NRG1: variants seen among roughly 807,000 people sequenced by gnomAD.
NRG1 encodes the protein neuregulin 1, also known as pro-neuregulin-1, membrane-bound isoform.
Under a neutral mutation model 63.8 loss-of-function variants are expected in NRG1, and 18 were observed. The observed-to-expected ratio is 0.28, with a 90% CI of 0.19 to 0.42. The LOEUF is 0.42. NRG1 is among the 10% of genes least tolerant of loss of function. NRG1 has a pLI of 1.00. For synonymous variants in NRG1, 302 were observed against 301.3 expected, an observed-to-expected ratio of 1.00 and a Z score of -0.02; for missense variants, 762 against 814.7, an observed-to-expected ratio of 0.94 and a Z score of 0.79.
At chr8:31,710,448 A>G (rs969156078) in intron 1 of NRG1, among the ~76,000 whole-genome samples, 3 of 151,830 alleles carry the variant, frequency 2.0e-5, no homozygotes, top group Admixed American at 1.3e-4. Context: ...ATGCTACTCT[A>G]TTCTCATAGC....
intron 5 of NRG1, among the ~76,000 whole-genome samples, chr8:32,723,692 A>G (rs111500958): frequency 2.7e-5 from 3 of 110,328 alleles, no homozygotes; most frequent in Admixed American, 9.8e-5. Context: ...CCATCTCAAA[A>G]AAAAAAAAAA....
chr8:31,712,255 C>CTTTTTTTTTTTT lies in NRG1; in HGVS notation c.37+72843_37+72854dup, dbSNP rs57363109. ...TGACTTCCTGTTTCTTCTTCATGATCTTTTTTTTTTTTTTTTTTTTTTTTT... is the reference window on the plus strand; with the variant it reads ...TGACTTCCTGTTTCTTCTTCATGATCTTTTTTTTTTTTTTTTTTTTTTTTTTTTTTTTTTTTT... On this transcript the variant is annotated intron_variant, in intron 1 of 10. Transcript: ENST00000519301. Among the ~76,000 whole-genome samples, 165 of 72,344 alleles carry CTTTTTTTTTTTT rather than the reference C, an allele frequency of 2.3e-3. 22 individuals are homozygous for CTTTTTTTTTTTT. Among genetic ancestry groups the CTTTTTTTTTTTT allele is most frequent in the Non-Finnish European group, 2.8e-3 (112 of 39,660 alleles). 47.5% of individuals were successfully genotyped at this position (72,344 alleles called of 152,430 possible). A position where few individuals can be genotyped will look rare whatever the true frequency, so the allele number is the denominator to read the frequency against.
chr8:32,224,281 C>T (rs545859193), intron 1 of NRG1, among the ~76,000 whole-genome samples: 31 of 152,194 alleles, frequency 2.0e-4, no homozygotes, highest in Non-Finnish European at 4.0e-4. Context: ...TGGTCGATCG[C>T]AGGATGATCC....
chr8:32,534,810 T>C (rs2129519076), intron 1 of NRG1, among the ~76,000 whole-genome samples: 1 of 152,278 alleles, frequency 6.6e-6, no homozygotes. Flanking sequence ...ATTGGGCTCA[T>C]TATATTATTA....
intron 1 of NRG1, among the ~76,000 whole-genome samples, chr8:32,438,432 T>G (rs1819063154): frequency 6.6e-6 from 1 of 152,170 alleles, no homozygotes; most frequent in African/African-American, 2.4e-5. Context: ...ATTTACCCAT[T>G]GAAAGATACT....
intron 1 of NRG1, among the ~76,000 whole-genome samples, chr8:32,020,675 A>G (rs183422190): frequency 1.5e-4 from 23 of 152,326 alleles, no homozygotes; most frequent in African/African-American, 3.4e-4. Flanking sequence ...TTTGGCCTCT[A>G]CATGATTCTT....
Position 31,639,351 on chromosome 8 carries a change from C to T in NRG1, c.-44C>T, listed in dbSNP as rs1355056165. ...AGGAGGCGCGCGGGGACGGGGACGCCCAGGAGGACCCACTCGCGGGTCCCG... is the reference window on the plus strand; with the variant it reads ...AGGAGGCGCGCGGGGACGGGGACGCTCAGGAGGACCCACTCGCGGGTCCCG... On this transcript the variant is annotated 5_prime_UTR_variant, in exon 1 of 11. Coordinates refer to the NRG1 transcript ENST00000519301. 3.3e-6 allele frequency: 5 copies of T among 1,533,388 alleles called. No homozygotes were observed. In the African/African-American group the frequency reaches 4.1e-5, roughly 13 times the overall value. The allele number at this position is 1,533,388 out of a possible 1,614,324, so 95.0% of individuals were successfully genotyped here.
At chr8:32,045,915 A>C (rs977317022) in intron 1 of NRG1, among the ~76,000 whole-genome samples, 5 of 152,022 alleles carry the variant, frequency 3.3e-5, no homozygotes, top group Non-Finnish European at 5.9e-5. Context: ...TAAGAAGAAA[A>C]TATATGTATA....
Position 32,231,254 on chromosome 8 carries a change from A to G in NRG1, c.38-364574A>G, listed in dbSNP as rs144330028. Reference sequence around the variant, plus strand: ...ACTAATTTGAAGGAGAAAATAGCCTATTTTTAGATGTATTAAATTTATCAA... The same window carrying G: ...ACTAATTTGAAGGAGAAAATAGCCTGTTTTTAGATGTATTAAATTTATCAA... On this transcript the variant is annotated intron_variant, in intron 1 of 10. Transcript: ENST00000519301. Among the ~76,000 whole-genome samples the G allele has an allele frequency of 1.0e-3, 159 of 152,264 alleles. 2 individuals are homozygous for G. Among genetic ancestry groups the G allele is most frequent in the Admixed American group, 9.7e-3 (148 of 15,286 alleles).
chr8:32,221,983 A>G (rs893753287), intron 1 of NRG1, among the ~76,000 whole-genome samples: 4 of 151,874 alleles, frequency 2.6e-5, no homozygotes, highest in Non-Finnish European at 5.9e-5. Flanking sequence ...TTCATCATTC[A>G]CTAAGCATTC....
At chr8:32,764,387 C>T (rs1399889476) in exon 12 of NRG1, 2 of 1,582,974 alleles carry the variant, frequency 1.3e-6, no homozygotes, top group African/African-American at 2.7e-5. Flanking sequence ...CTAACCAAGA[C>T]CCTATTGCTG....
At chr8:32,010,411 T>G (rs1323679622) in intron 1 of NRG1, among the ~76,000 whole-genome samples, 1 of 152,080 alleles carries the variant, frequency 6.6e-6, no homozygotes, top group African/African-American at 2.4e-5. Flanking sequence ...CCTCTATCCA[T>G]TAATTTTTCT....
chr8:32,772,951 CT>C (rs1179381224), downstream of NRG1, among the ~76,000 whole-genome samples: 2 of 152,110 alleles, frequency 1.3e-5, no homozygotes, highest in Non-Finnish European at 2.9e-5. Context: ...TCTCCCTTTA[CT>C]TTTTATTTTT....
intron 1 of NRG1, among the ~76,000 whole-genome samples, chr8:31,738,660 T>C (rs983159355): frequency 1.3e-5 from 2 of 151,970 alleles, no homozygotes; most frequent in African/African-American, 2.4e-5. Flanking sequence ...AAAATCAAGG[T>C]GTTGGCAGGG....
chr8:31,926,361 T>C (rs571002599), intron 1 of NRG1, among the ~76,000 whole-genome samples: 1 of 152,008 alleles, frequency 6.6e-6, no homozygotes, highest in Non-Finnish European at 1.5e-5. Flanking sequence ...GAATAAGCAG[T>C]TGCCTCAAGT....
At chr8:32,431,355 A>G (rs1241528408) in intron 1 of NRG1, among the ~76,000 whole-genome samples, 1 of 152,128 alleles carries the variant, frequency 6.6e-6, no homozygotes, top group Non-Finnish European at 1.5e-5. Flanking sequence ...TTTTGCTAGG[A>G]TTCTGTCCTA....
intron 5 of NRG1, among the ~76,000 whole-genome samples, chr8:32,694,632 G>T (rs1161594724): frequency 1.3e-5 from 2 of 152,122 alleles, no homozygotes; most frequent in Non-Finnish European, 2.9e-5. Flanking sequence ...ATAAAATTAG[G>T]TCATGTCTAA....
At chr8:31,868,847 G>A (rs1585381566) in intron 1 of NRG1, among the ~76,000 whole-genome samples, 2 of 152,182 alleles carry the variant, frequency 1.3e-5, no homozygotes, top group Non-Finnish European at 2.9e-5. Context: ...AGTAAAGCCA[G>A]GAATCAACTT....
chr8:31,909,177 G>C (rs534212883), intron 1 of NRG1, among the ~76,000 whole-genome samples: 1 of 152,018 alleles, frequency 6.6e-6, no homozygotes, highest in Non-Finnish European at 1.5e-5. Context: ...AAGAAAATAG[G>C]CTCCATTTTC....
Sources: allele counts gnomAD v4.1 joint callset (sites outside exome capture counted in the v4.1 genomes callset), GRCh38; gene constraint gnomAD v4.1.1; transcripts MANE v1.5; gene names NCBI Gene and HGNC (gene_info 2026-07-23, HGNC 2026-07-21).